The following CNTNAP2 variants were observed in gnomAD, a reference collection of about 807,000 sequenced individuals.
CNTNAP2 encodes the protein contactin-associated protein-like 2.
A neutral mutation model predicts 155.2 loss-of-function variants in CNTNAP2; 98 were observed. The observed-to-expected ratio is 0.63, with a 90% CI of 0.54 to 0.75. The LOEUF (loss-of-function observed/expected upper bound fraction) is 0.75, where lower values mean the gene tolerates loss of function less well. CNTNAP2 is among the 30% of genes least tolerant of loss of function. CNTNAP2 has a pLI of 0.00. For missense variants in CNTNAP2, 1,727 were observed against 1,688.1 expected, an observed-to-expected ratio of 1.02 and a Z score of -0.40; for synonymous variants, 651 against 631.2, an observed-to-expected ratio of 1.03 and a Z score of -0.47.
At chr7:147,664,542 ATAAGCAC>A in intron 13 of CNTNAP2, among the ~76,000 whole-genome samples, 1 of 152,322 alleles carries the variant, frequency 6.6e-6, no homozygotes, top group Non-Finnish European at 1.5e-5. Flanking sequence ...CGCCTTCAAA[ATAAGCAC>A]ATTTGGCTGC....
At chr7:146,754,591 C>A (rs1801962721) in intron 1 of CNTNAP2, among the ~76,000 whole-genome samples, 2 of 147,312 alleles carry the variant, frequency 1.4e-5, no homozygotes, top group Admixed American at 1.3e-4. Flanking sequence ...TTTAACTGAA[C>A]CTGGCTGCAA....
intron 1 of CNTNAP2, among the ~76,000 whole-genome samples, chr7:146,734,263 A>G (rs552079986): frequency 6.6e-6 from 1 of 152,250 alleles, no homozygotes; most frequent in East Asian, 1.9e-4. Context: ...GGCTGGGTAT[A>G]GAGCTATATA....
At chr7:147,220,992 G>A (rs1333100066) in intron 8 of CNTNAP2, among the ~76,000 whole-genome samples, 7 of 152,108 alleles carry the variant, frequency 4.6e-5, no homozygotes, top group South Asian at 2.1e-4. Context: ...GATTACAGGC[G>A]TGATCCACCA....
chr7:146,868,392 C>A (rs777221431), intron 3 of CNTNAP2, among the ~76,000 whole-genome samples: 2 of 152,112 alleles, frequency 1.3e-5, no homozygotes, highest in Non-Finnish European at 2.9e-5. Context: ...GTTTGTGTAC[C>A]ATTACCATGC....
At position 147,625,225 on chromosome 7, in the gene CNTNAP2, T is replaced by C. The variant is rs11543728; in HGVS notation, c.1898-13881T>C. Among the ~76,000 whole-genome samples the C allele has an allele frequency of 7.2e-5, 11 of 152,244 alleles. No individual in the cohort carries two copies. In the East Asian group the frequency reaches 1.7e-3, roughly 24 times the overall value. On this transcript the variant is annotated intron_variant, in intron 12 of 23. Coordinates refer to ENST00000361727, the MANE Select transcript of CNTNAP2 (RefSeq NM_014141.6). ...TTACCATAGTCAATAATAACTTAAT[T>C]GTACATTTTAAAATAACTAAAAAGA...
In CNTNAP2 at chr7:147,724,588, G is replaced by GA. The variant is rs370857177; in HGVS notation, c.2098+85287dup. Among the ~76,000 whole-genome samples, 173 of 152,082 alleles carry GA rather than the reference G, an allele frequency of 1.1e-3. 2 individuals carry two copies. The highest frequency in any genetic ancestry group is 6.8e-3 in the Middle Eastern group (2 of 294). ...CTCTCCAGAGAGCTTCAGTGGGATT[G>GA]AAAAATACTTGTTCCCTGGAAGCTA... On this transcript the variant is annotated intron_variant, in intron 13 of 23. Transcript: ENST00000361727.
At chr7:146,747,832 C>A (rs540129408) in intron 1 of CNTNAP2, among the ~76,000 whole-genome samples, 2 of 152,076 alleles carry the variant, frequency 1.3e-5, no homozygotes, top group Non-Finnish European at 2.9e-5. Context: ...CTGAATATTT[C>A]TTAGTTTTTT....
chr7:148,412,302 C>T (rs576312493), intron 23 of CNTNAP2, among the ~76,000 whole-genome samples: 5 of 152,344 alleles, frequency 3.3e-5, no homozygotes, highest in African/African-American at 1.2e-4. Context: ...TGGCCAGGCG[C>T]GGTGGCGCAC....
intron 13 of CNTNAP2, among the ~76,000 whole-genome samples, chr7:147,662,324 A>G (rs1283706942): frequency 1.3e-5 from 2 of 152,210 alleles, no homozygotes; most frequent in Admixed American, 1.3e-4. Flanking sequence ...CATTTAGACT[A>G]TGATGGGATG....
At chr7:148,284,284 C>G (rs955330400) in intron 21 of CNTNAP2, among the ~76,000 whole-genome samples, 1 of 152,094 alleles carries the variant, frequency 6.6e-6, no homozygotes, top group Admixed American at 6.5e-5. Context: ...TTCCCCCATA[C>G]TGTTCTCATG....
intron 2 of CNTNAP2, among the ~76,000 whole-genome samples, chr7:146,813,106 G>A (rs1408747521): frequency 6.6e-6 from 1 of 152,190 alleles, no homozygotes; most frequent in Non-Finnish European, 1.5e-5. Flanking sequence ...AAGAACCACT[G>A]CCAGATCAGT....
chr7:147,768,737 C>A (rs549859987), intron 13 of CNTNAP2, among the ~76,000 whole-genome samples: 10 of 152,072 alleles, frequency 6.6e-5, no homozygotes, highest in Admixed American at 3.3e-4. Context: ...TTAATGATAC[C>A]TTTTGAAGGT....
chr7:146,352,944 C>T (rs13238671), intron 1 of CNTNAP2, among the ~76,000 whole-genome samples: 85,833 of 150,926 alleles, frequency 0.57, 26,163 homozygotes, highest in South Asian at 0.77. Context: ...TTAGTAGAGA[C>T]AGGATTTCAC....
rs138843300 is a variant in CNTNAP2 at position 148,401,974 on chromosome 7, G to A, written c.3716-7417G>A. Reference sequence around the variant, plus strand: ...AGTACAATGTCAGCCTACTCTGAGAGCATTAAGAAATCTTTTTCCTGAAAG... The same window carrying A: ...AGTACAATGTCAGCCTACTCTGAGAACATTAAGAAATCTTTTTCCTGAAAG... On this transcript the variant is annotated intron_variant, in intron 22 of 23. Transcript: ENST00000361727. Among the ~76,000 whole-genome samples the A allele has an allele frequency of 5.3e-3, 803 of 152,312 alleles. 7 individuals are homozygous for A. The highest frequency in any genetic ancestry group is 0.018 in the African/African-American group (736 of 41,552).
chr7:147,260,571 A>T (rs1414050245), intron 8 of CNTNAP2, among the ~76,000 whole-genome samples: 1 of 152,194 alleles, frequency 6.6e-6, no homozygotes, highest in Non-Finnish European at 1.5e-5. Context: ...CCACACTATA[A>T]TATTTCAGAG....
intron 21 of CNTNAP2, among the ~76,000 whole-genome samples, chr7:148,330,314 AGATG>A (rs1171527446): frequency 5.6e-5 from 8 of 143,656 alleles, no homozygotes; most frequent in Non-Finnish European, 9.0e-5. Context: ...CAGATGGAGC[AGATG>A]GATAGAGTGA....
intron 10 of CNTNAP2, among the ~76,000 whole-genome samples, chr7:147,447,608 C>A (rs1423368546): frequency 6.6e-6 from 1 of 152,038 alleles, no homozygotes; most frequent in East Asian, 1.9e-4. Flanking sequence ...TTAGTAGAGA[C>A]GAGGTTTCAA....
At chr7:148,407,355 C>T (rs987626956) in intron 22 of CNTNAP2, among the ~76,000 whole-genome samples, 13 of 152,134 alleles carry the variant, frequency 8.5e-5, no homozygotes, top group Non-Finnish European at 1.6e-4. Context: ...TAGCTGACTA[C>T]ACTGTACTAC....
At chr7:146,653,818 C>G (rs1799953629) in intron 1 of CNTNAP2, among the ~76,000 whole-genome samples, 1 of 151,990 alleles carries the variant, frequency 6.6e-6, no homozygotes, top group Non-Finnish European at 1.5e-5. Flanking sequence ...GGAAATCTCT[C>G]ATTAAAAGGG....
Sources: gnomAD v4.1 joint callset for allele counts (sites outside exome capture counted in the v4.1 genomes callset) on GRCh38, gnomAD v4.1.1 for gene constraint, MANE v1.5 for transcripts, NCBI Gene and HGNC (gene_info 2026-07-23, HGNC 2026-07-21) for gene names.